Variants in PLA2G4A observed in about 807,000 individuals in gnomAD.
The protein encoded by PLA2G4A is phospholipase A2 group IVA.
PLA2G4A carries 40 observed loss-of-function variants against 81.9 expected under a neutral mutation model. That is an observed-to-expected ratio of 0.49 (90% CI 0.38 to 0.64). The LOEUF (loss-of-function observed/expected upper bound fraction) is 0.64. Among genes scored for constraint, PLA2G4A ranks in the 30% least tolerant of loss-of-function variants. The pLI is 0.00. For synonymous variants in PLA2G4A, 302 were observed against 296.9 expected, an observed-to-expected ratio of 1.02 and a Z score of -0.18; for missense variants, 715 against 905.1, an observed-to-expected ratio of 0.79 and a Z score of 2.69.
intron 1 of PLA2G4A, among the ~76,000 whole-genome samples, chr1:186,848,320 C>T (rs1257668702): frequency 2.6e-5 from 4 of 152,132 alleles, no homozygotes; most frequent in African/African-American, 7.2e-5. Flanking sequence ...TCTATTCTCG[C>T]TCTCTCTGCA....
At chr1:186,961,534 C>G (rs1035205307) in intron 14 of PLA2G4A, among the ~76,000 whole-genome samples, 11 of 152,088 alleles carry the variant, frequency 7.2e-5, no homozygotes. Context: ...TACTTACCAT[C>G]AATTTATCTT....
At chr1:186,918,706 G>A (rs552361465) in intron 7 of PLA2G4A, among the ~76,000 whole-genome samples, 13 of 152,260 alleles carry the variant, frequency 8.5e-5, no homozygotes, top group South Asian at 4.2e-4. Context: ...ATGCTCGCCC[G>A]GGCTCTCTGA....
At chr1:186,950,464 T>A (rs1167447341) in intron 12 of PLA2G4A, among the ~76,000 whole-genome samples, 193 bp from the exon 13 acceptor site, 3 of 152,104 alleles carry the variant, frequency 2.0e-5, no homozygotes, top group African/African-American at 7.2e-5. Flanking sequence ...TCCCAGGAAA[T>A]TTTGTTTCCA....
At chr1:186,854,087 G>A (rs1165296656) in intron 1 of PLA2G4A, among the ~76,000 whole-genome samples, 199 bp from the exon 2 acceptor site, 1 of 151,806 alleles carries the variant, frequency 6.6e-6, no homozygotes, top group Non-Finnish European at 1.5e-5. Context: ...AAGTAAATAT[G>A]GAAAATAAAC....
chr1:186,859,885 T>C (rs1486986041), intron 2 of PLA2G4A, among the ~76,000 whole-genome samples: 6 of 152,134 alleles, frequency 3.9e-5, no homozygotes, highest in African/African-American at 1.4e-4. Context: ...CTTTTATAAA[T>C]AGTAAATTGT....
intron 7 of PLA2G4A, among the ~76,000 whole-genome samples, chr1:186,911,965 C>T (rs1654960366): frequency 6.6e-6 from 1 of 151,966 alleles, no homozygotes; most frequent in Non-Finnish European, 1.5e-5. Flanking sequence ...AGTAGGAGAA[C>T]CCGGAGCAAC....
At chr1:186,954,729 A>G (rs1002285715) in intron 13 of PLA2G4A, among the ~76,000 whole-genome samples, 2 of 152,104 alleles carry the variant, frequency 1.3e-5, no homozygotes, top group African/African-American at 4.8e-5. Context: ...ACAGTTTTAT[A>G]AATGTGTGAC....
intron 8 of PLA2G4A, among the ~76,000 whole-genome samples, chr1:186,934,576 C>G (rs1408448396): frequency 1.3e-5 from 2 of 150,800 alleles, no homozygotes; most frequent in Admixed American, 6.7e-5. Flanking sequence ...ATGTATACTT[C>G]TACTCTATCT....
chr1:186,978,663 A>C (rs1163970689), intron 16 of PLA2G4A, among the ~76,000 whole-genome samples: 1 of 152,240 alleles, frequency 6.6e-6, no homozygotes, highest in Non-Finnish European at 1.5e-5. Context: ...AGGCTCACTG[A>C]GCAGTTGGCA....
chr1:186,973,678 G>A (rs965125204), intron 15 of PLA2G4A, among the ~76,000 whole-genome samples: 1 of 152,160 alleles, frequency 6.6e-6, no homozygotes, highest in African/African-American at 2.4e-5. Flanking sequence ...ATTAAAAAGT[G>A]CTCTGTAAAC....
At chr1:186,899,473 C>G (rs1319279959) in intron 5 of PLA2G4A, among the ~76,000 whole-genome samples, 3 of 152,072 alleles carry the variant, frequency 2.0e-5, no homozygotes, top group Non-Finnish European at 4.4e-5. Flanking sequence ...GAAGGTAGTC[C>G]TGGTGAAGAG....
chr1:186,953,953 AG>A (rs35146633), intron 13 of PLA2G4A, among the ~76,000 whole-genome samples: 55,642 of 152,070 alleles, frequency 0.37, 12,249 homozygotes, highest in Non-Finnish European at 0.49. Flanking sequence ...TTCTAGTAAA[AG>A]ACATATTTTG....
chr1:186,911,950 C>CT (rs1654960098), intron 7 of PLA2G4A, among the ~76,000 whole-genome samples: 1 of 152,044 alleles, frequency 6.6e-6, no homozygotes, highest in South Asian at 2.1e-4. Flanking sequence ...GTCTTGAAGT[C>CT]TGAAAGTAGG....
At chr1:186,965,967 G>C (rs1436131826) in intron 15 of PLA2G4A, among the ~76,000 whole-genome samples, 1 of 151,970 alleles carries the variant, frequency 6.6e-6, no homozygotes, top group Non-Finnish European at 1.5e-5. Flanking sequence ...TGCTAACAAG[G>C]GGAAAGGAGG....
chr1:186,847,486 G>A (rs968200900), intron 1 of PLA2G4A, among the ~76,000 whole-genome samples: 2 of 151,834 alleles, frequency 1.3e-5, no homozygotes, highest in African/African-American at 4.8e-5. Context: ...TTGTAAGCTG[G>A]TTCACCTATG....
rs561842202 is a variant in PLA2G4A at position 186,858,832 on chromosome 1, GA to G, written c.33+4447del. The stretch of plus-strand genomic sequence containing the variant: ...ATTCTAATTTATAGCCCTTTTAAAT[GA>G]AGAGATCTGTGAGCTTTACAGTTTT... On this transcript the variant is annotated intron_variant, in intron 2 of 17. Transcript: ENST00000367466. Among the ~76,000 whole-genome samples the G allele has an allele frequency of 2.4e-3, 364 of 151,970 alleles. 1 individual carries two copies. Among genetic ancestry groups the G allele is most frequent in the African/African-American group, 8.3e-3 (346 of 41,484 alleles).
chr1:186,940,130 C>T, intron 10 of PLA2G4A, 36 bp downstream of exon 10: 1 of 1,107,270 alleles, frequency 9.0e-7, no homozygotes, highest in Non-Finnish European at 1.4e-6. Flanking sequence ...CTTCCTGGAA[C>T]CTCTGAATTG....
At chr1:186,948,829 G>A (rs975776899) in intron 12 of PLA2G4A, among the ~76,000 whole-genome samples, 2 of 152,092 alleles carry the variant, frequency 1.3e-5, no homozygotes, top group Non-Finnish European at 2.9e-5. Context: ...TGTGTGATCC[G>A]CCAGTCAGCA....
chr1:186,939,879 A>T (rs1178304796), intron 9 of PLA2G4A, 101 bp from the exon 10 acceptor site: 1 of 682,004 alleles, frequency 1.5e-6, no homozygotes, highest in African/African-American at 1.8e-5. Context: ...TATTTTTATT[A>T]TAAAGTTATA....
Sources: allele counts gnomAD v4.1 joint callset (sites outside exome capture counted in the v4.1 genomes callset), GRCh38; gene constraint gnomAD v4.1.1; transcripts MANE v1.5; gene names NCBI Gene and HGNC (gene_info 2026-07-23, HGNC 2026-07-21).